Variants in KIF16B observed in about 807,000 individuals in gnomAD.
KIF16B encodes the protein kinesin-like protein KIF16B.
KIF16B carries 98 observed loss-of-function variants against 156.3 expected under a neutral mutation model. The ratio of observed to expected loss-of-function variants is 0.63; its 90% CI spans 0.53 to 0.74. The LOEUF (loss-of-function observed/expected upper bound fraction) is 0.74, where lower values mean the gene tolerates loss of function less well. Ranked by LOEUF, KIF16B falls within the 30% of genes least tolerant of loss-of-function variation. The pLI is 0.00. For missense variants in KIF16B, 1,421 were observed against 1,606.5 expected (o/e 0.88, Z 1.97); for synonymous variants, 564 against 583.7 (o/e 0.97, Z 0.49).
rs200492387 is a variant in KIF16B at position 16,528,343 on chromosome 20, A to C, written c.117+28T>G. On this transcript the variant is annotated intron_variant, in intron 2 of 25. Transcript: ENST00000354981. Reference sequence around the variant, plus strand: ...GTAAAGCAATCATGGGGCTCTTGGAACTTAAGCAAGGCCAGGTCATGACTT... The same window carrying C: ...GTAAAGCAATCATGGGGCTCTTGGACCTTAAGCAAGGCCAGGTCATGACTT... 98 of 1,583,290 alleles carry C rather than the reference A, an allele frequency of 6.2e-5. No individual in the cohort carries two copies. The African/African-American group carries it at 1.0e-3, about 17-fold the overall frequency.
At chr20:16,380,714 G>C (rs566602722) in intron 18 of KIF16B, among the ~76,000 whole-genome samples, 8 of 152,340 alleles carry the variant, frequency 5.3e-5, no homozygotes, top group South Asian at 4.1e-4. Context: ...CAAAATGTTA[G>C]TTTATTAGTG....
chr20:16,356,196 G>A, intron 23 of KIF16B, 134 bp downstream of exon 23: 1 of 1,129,952 alleles, frequency 8.8e-7, no homozygotes, highest in South Asian at 1.4e-5. Flanking sequence ...CTGGTTTAAA[G>A]AAGGGCAAGA....
Position 16,508,000 on chromosome 20 carries a change from G to A in KIF16B, c.657C>T (p.Val219=). ...TGAAGATGGCATGAGACCTGCTACT[G>A]ACGTCGTTCATCCCAGTCGCTGCGG... The part of the protein sequence containing the change: ...RTTAATGMND[V]SSRSHAIFTI... The change falls in exon 7 of 26, where the codon GTC becomes GTT. Residue 219 remains valine, a synonymous_variant. Transcript: ENST00000354981. 6.2e-7 allele frequency: 1 copy of A among 1,614,146 alleles called. No homozygotes were observed. Among genetic ancestry groups the A allele is most frequent in the Non-Finnish European group, 8.5e-7 (1 of 1,180,006 alleles).
At chr20:16,565,205 T>C (rs889344221) in intron 1 of KIF16B, among the ~76,000 whole-genome samples, 1 of 152,252 alleles carries the variant, frequency 6.6e-6, no homozygotes, top group African/African-American at 2.4e-5. Flanking sequence ...AAAAAATTAC[T>C]GAGGAGGCTC....
intron 12 of KIF16B, among the ~76,000 whole-genome samples, chr20:16,463,312 G>A (rs2067399205): frequency 1.3e-5 from 2 of 152,152 alleles, no homozygotes; most frequent in Admixed American, 6.5e-5. Flanking sequence ...TGCTGCTTCA[G>A]AACCACAAAA....
At chr20:16,537,281 C>A (rs1296502693) in intron 1 of KIF16B, among the ~76,000 whole-genome samples, 1 of 152,168 alleles carries the variant, frequency 6.6e-6, no homozygotes, top group Non-Finnish European at 1.5e-5. Context: ...CCTGCCCCAT[C>A]CTCTTCCCAC....
At chr20:16,273,532 A>C (rs1322125973) in intron 25 of KIF16B, 121 bp from the exon 26 acceptor site, 1 of 736,058 alleles carries the variant, frequency 1.4e-6, no homozygotes, top group African/African-American at 1.8e-5. Flanking sequence ...CTCTACAAAA[A>C]ATAAAGAAAT....
chr20:16,287,460 C>T lies in KIF16B; in HGVS notation c.3796-14049G>A, dbSNP rs546678603. 2.0e-5 allele frequency among the ~76,000 whole-genome samples: 3 copies of T among 152,312 alleles called. No individual in the cohort carries two copies. The East Asian group carries it at 5.8e-4, about 29-fold the overall frequency. On this transcript the variant is annotated intron_variant, in intron 25 of 25. Transcript: ENST00000354981. ...GGGTGAAAATGTTAGTCTGTGATTA[C>T]AGAATCAGAACTATTCATTACGGCT...
At chr20:16,472,067 T>G (rs776588971) in intron 12 of KIF16B, among the ~76,000 whole-genome samples, 2 of 152,240 alleles carry the variant, frequency 1.3e-5, no homozygotes, top group Non-Finnish European at 2.9e-5. Context: ...TTGAGCACAT[T>G]TGATCTGCTA....
At chr20:16,326,278 C>CAA (rs577461337) in intron 24 of KIF16B, among the ~76,000 whole-genome samples, 25 of 139,374 alleles carry the variant, frequency 1.8e-4, no homozygotes, top group Admixed American at 8.6e-4. Context: ...GCAAATGCAA[C>CAA]AAAAAAAAAA....
At chr20:16,448,752 G>T (rs1280968841) in intron 12 of KIF16B, among the ~76,000 whole-genome samples, 1 of 152,090 alleles carries the variant, frequency 6.6e-6, no homozygotes, top group Non-Finnish European at 1.5e-5. Flanking sequence ...AAAGATTTTC[G>T]AAAGCAAAAT....
intron 3 of KIF16B, among the ~76,000 whole-genome samples, chr20:16,522,960 A>G (rs1041406877): frequency 6.6e-6 from 1 of 152,208 alleles, no homozygotes; most frequent in African/African-American, 2.4e-5. Context: ...CAGACGCAGA[A>G]AAGGCCTTCG....
intron 10 of KIF16B, 64 bp downstream of exon 10, chr20:16,504,308 T>TAA: frequency 2.0e-6 from 3 of 1,513,044 alleles, no homozygotes; most frequent in Non-Finnish European, 2.7e-6. Context: ...ATTGTCTCAT[T>TAA]AAGATCTAGA....
chr20:16,351,603 C>T (rs1285594547), intron 23 of KIF16B, among the ~76,000 whole-genome samples: 3 of 152,320 alleles, frequency 2.0e-5, no homozygotes, highest in East Asian at 3.9e-4. Context: ...CAGCCTAGAA[C>T]GTGCTGTTCT....
chr20:16,571,797 T>C (rs1044361946), intron 1 of KIF16B, among the ~76,000 whole-genome samples: 23 of 151,998 alleles, frequency 1.5e-4, no homozygotes, highest in Non-Finnish European at 2.6e-4. Context: ...GCCCGGCTAA[T>C]TTTTTGTAGT....
At chr20:16,500,055 T>C (rs918266896) in intron 10 of KIF16B, among the ~76,000 whole-genome samples, 1 of 152,162 alleles carries the variant, frequency 6.6e-6, no homozygotes, top group Non-Finnish European at 1.5e-5. Context: ...CCCTCATCAA[T>C]ATACTGTATA....
intron 1 of KIF16B, among the ~76,000 whole-genome samples, chr20:16,547,866 C>T (rs1160242707): frequency 6.6e-6 from 1 of 152,172 alleles, no homozygotes; most frequent in Non-Finnish European, 1.5e-5. Context: ...CAGGGACCCC[C>T]AACCCTGGAG....
chr20:16,328,848 C>T (rs1304524621), intron 24 of KIF16B, among the ~76,000 whole-genome samples: 1 of 152,010 alleles, frequency 6.6e-6, no homozygotes, highest in African/African-American at 2.4e-5. Context: ...GGTACTAATC[C>T]CATTTATGAG....
intron 1 of KIF16B, among the ~76,000 whole-genome samples, chr20:16,563,024 A>C (rs1203679074): frequency 6.6e-6 from 1 of 152,252 alleles, no homozygotes; most frequent in African/African-American, 2.4e-5. Context: ...TGAAAGCATT[A>C]ACTTTCTCAA....
Sources: allele counts gnomAD v4.1 joint callset (sites outside exome capture counted in the v4.1 genomes callset), GRCh38; gene constraint gnomAD v4.1.1; transcripts MANE v1.5; gene names NCBI Gene and HGNC (gene_info 2026-07-23, HGNC 2026-07-21).